Variants in HDLBP observed in about 807,000 individuals in gnomAD.
HDLBP encodes vigilin.
HDLBP carries 30 observed loss-of-function variants against 137.3 expected under a neutral mutation model. That is an observed-to-expected ratio of 0.22 (90% confidence interval 0.16 to 0.30). The LOEUF is 0.30. HDLBP is among the 10% of genes least tolerant of loss of function. The pLI is 1.00. For synonymous variants in HDLBP, 606 were observed against 596.0 expected, an observed-to-expected ratio of 1.02 and a Z score of -0.24; for missense variants, 1,119 against 1,667.3, an observed-to-expected ratio of 0.67 and a Z score of 5.73.
At chr2:241,234,496 G>A (rs1352546356) in intron 23 of HDLBP, among the ~76,000 whole-genome samples, 1 of 152,176 alleles carries the variant, frequency 6.6e-6, no homozygotes, top group Non-Finnish European at 1.5e-5. Context: ...CCATTCACCA[G>A]ACTCGACGTG....
intron 5 of HDLBP, among the ~76,000 whole-genome samples, chr2:241,262,242 T>TA (rs2073258352): frequency 6.6e-6 from 1 of 152,210 alleles, no homozygotes; most frequent in African/African-American, 2.4e-5. Flanking sequence ...TCTTTACCAT[T>TA]CAGCAAGCCC....
At chr2:241,258,027 G>C (rs2072823883) in intron 5 of HDLBP, among the ~76,000 whole-genome samples, 1 of 152,194 alleles carries the variant, frequency 6.6e-6, no homozygotes, top group South Asian at 2.1e-4. Context: ...GCCGAGATGA[G>C]AGGATTGTTT....
Position 241,240,311 on chromosome 2 carries a change from G to A in HDLBP, c.2170-189C>T, listed in dbSNP as rs1344123529. ...GAATAAACAGATGAATACCCAGACTGCACACCTACTTCTCTTCCACAACAA... is the reference window on the plus strand; with the variant it reads ...GAATAAACAGATGAATACCCAGACTACACACCTACTTCTCTTCCACAACAA... On this transcript the variant is annotated intron_variant, in intron 17 of 27. Transcript: ENST00000310931. This position sits in a 1 kb window ranked among gnomAD's most constrained non-coding sequence, Gnocchi z 5.5. 6 of 638,500 alleles carry A rather than the reference G, an allele frequency of 9.4e-6. No individual in the cohort carries two copies. The highest frequency in any genetic ancestry group is 1.8e-5 in the African/African-American group (1 of 55,530). The allele number at this position is 638,500 out of a possible 1,614,324, so 39.6% of individuals were successfully genotyped here.
At chr2:241,264,806 G>A (rs2073524895) in intron 3 of HDLBP, among the ~76,000 whole-genome samples, 1 of 152,044 alleles carries the variant, frequency 6.6e-6, no homozygotes, top group Non-Finnish European at 1.5e-5. Context: ...CTGAGTGTGA[G>A]AGCTAGAGGA....
Position 241,250,157 on chromosome 2 carries a change from T to C in HDLBP, c.1373-177A>G, listed in dbSNP as rs568128830. The C allele has an allele frequency of 1.1e-4, 66 of 575,480 alleles. No homozygotes were observed. In the African/African-American group the frequency reaches 1.2e-3, roughly 10 times the overall value. 35.6% of individuals were successfully genotyped at this position (575,480 alleles called of 1,614,324 possible). On this transcript the variant is annotated intron_variant, in intron 11 of 27. Transcript: ENST00000310931. ...CATTGTCTAGAATGGGGGCCAGTTA[T>C]GATCTTCACCTGGATCACAAGGGTT... is the stretch of plus-strand genomic sequence containing the variant.
intron 16 of HDLBP, among the ~76,000 whole-genome samples, chr2:241,244,642 A>C (rs1404378979): frequency 1.3e-5 from 2 of 152,378 alleles, no homozygotes; most frequent in East Asian, 3.9e-4. Context: ...ATGTGAAAGA[A>C]GTCATTACCG....
intron 4 of HDLBP, 132 bp downstream of exon 4, chr2:241,264,316 C>G (rs1400352092): frequency 1.8e-6 from 1 of 564,664 alleles, no homozygotes; most frequent in South Asian, 2.4e-5. Context: ...GAGCCGAGAT[C>G]GCACCACTGC....
At chr2:241,264,328 C>T (rs1033004924) in intron 4 of HDLBP, 120 bp downstream of exon 4, 3 of 670,496 alleles carry the variant, frequency 4.5e-6, no homozygotes, top group Non-Finnish European at 7.2e-6. Context: ...CACCACTGCA[C>T]TCCAGCCTGG....
chr2:241,234,045 G>A (rs1337546994), intron 23 of HDLBP, 82 bp from the exon 24 acceptor site: 14 of 1,498,422 alleles, frequency 9.3e-6, no homozygotes, highest in Non-Finnish European at 1.3e-5. Flanking sequence ...CCTGGTCATA[G>A]GACACTGGAG....
intron 1 of HDLBP, chr2:241,302,715 T>A (rs961159731): frequency 1.3e-5 from 2 of 152,340 alleles, no homozygotes; most frequent in African/African-American, 4.8e-5. Flanking sequence ...CCCCTAAGGC[T>A]GTCTGTTGTG....
chr2:241,303,985 A>G (rs1225755732), intron 1 of HDLBP, among the ~76,000 whole-genome samples: 6 of 152,010 alleles, frequency 3.9e-5, no homozygotes, highest in East Asian at 1.9e-4. Flanking sequence ...ACTTTTTTCT[A>G]TATTTTGTAG....
chr2:241,308,622 G>A (rs1210361157), intron 1 of HDLBP, among the ~76,000 whole-genome samples: 2 of 152,174 alleles, frequency 1.3e-5, no homozygotes, highest in Non-Finnish European at 2.9e-5. Context: ...GTTTTGCGGG[G>A]TATGCAGACC....
chr2:241,272,801 G>C lies in HDLBP; in HGVS notation c.-102-4260C>G. 1 of 274,632 alleles carries C rather than the reference G, an allele frequency of 3.6e-6. No homozygotes were observed. The highest frequency in any genetic ancestry group is 1.4e-4 in the South Asian group (1 of 7,308). 17.0% of individuals were successfully genotyped at this position (274,632 alleles called of 1,614,324 possible). ...CGCTGGTCCTGCCGCTGGCTTACTCGCCCCCCGCGCGGGAGAAGCCGGGAC... is the reference window on the plus strand; with the variant it reads ...CGCTGGTCCTGCCGCTGGCTTACTCCCCCCCCGCGCGGGAGAAGCCGGGAC... On this transcript the variant is annotated intron_variant, in intron 1 of 27. Transcript: ENST00000310931. The surrounding 1 kb of genome is among the most constrained non-coding windows in gnomAD (Gnocchi z 5.6).
At chr2:241,278,073 T>C (rs1183188144) in intron 1 of HDLBP, among the ~76,000 whole-genome samples, 2 of 152,216 alleles carry the variant, frequency 1.3e-5, no homozygotes. Context: ...CTAGGGGGCT[T>C]GGACTCATCA....
intron 1 of HDLBP, among the ~76,000 whole-genome samples, chr2:241,271,580 C>T (rs1481844324): frequency 6.6e-6 from 1 of 152,184 alleles, no homozygotes; most frequent in Non-Finnish European, 1.5e-5. Flanking sequence ...AGTTGATTCC[C>T]TTGTGATAAG....
In HDLBP at chr2:241,264,518, T is replaced by G; in HGVS notation, c.164A>C (p.Glu55Ala). 6.2e-7 allele frequency: 1 copy of G among 1,613,746 alleles called. No homozygotes were observed. The change falls in exon 4 of 28, where the codon GAA becomes GCA. Residue 55 changes from glutamate to alanine, a missense_variant. Transcript: ENST00000310931. ...GGCTCCAGCGGGTTCCTGGGCACTT[T>G]CCAGGCAAGCAGCTTTCTCAGGAAG... ...PPLPEKAACL[E>A]SAQEPAGAWG... is the part of the protein sequence containing the mutation.
intron 1 of HDLBP, among the ~76,000 whole-genome samples, chr2:241,270,705 G>A (rs994176847): frequency 2.0e-5 from 3 of 152,026 alleles, no homozygotes; most frequent in East Asian, 1.9e-4. Context: ...TGTCCACCCC[G>A]CACTGCTACG....
chr2:241,280,008 A>AAGGC, intron 1 of HDLBP: 1 of 985,440 alleles, frequency 1.0e-6, no homozygotes, highest in Non-Finnish European at 1.2e-6. Flanking sequence ...ACCAGGGGTC[A>AAGGC]TCTCCAAGGC....
chr2:241,269,235 C>G (rs1423436000), intron 1 of HDLBP: 1 of 152,108 alleles, frequency 6.6e-6, no homozygotes, highest in Non-Finnish European at 1.5e-5. Flanking sequence ...GGGAGGCTGG[C>G]GACCACATGT....
Sources: allele counts gnomAD v4.1 joint callset (sites outside exome capture counted in the v4.1 genomes callset), GRCh38; gene constraint gnomAD v4.1.1; non-coding constraint Gnocchi (gnomAD v3.1); transcripts MANE v1.5; gene names NCBI Gene and HGNC (gene_info 2026-07-23, HGNC 2026-07-21).